Variants in PCDH9 observed in about 807,000 individuals in gnomAD.
PCDH9 encodes the protein protocadherin-9.
Under a neutral mutation model 70.6 loss-of-function variants are expected in PCDH9, and 24 were observed. That is an observed-to-expected ratio of 0.34 (90% CI 0.25 to 0.48). The LOEUF (loss-of-function observed/expected upper bound fraction) is 0.48. Among genes scored for constraint, PCDH9 ranks in the 20% least tolerant of loss-of-function variants. The pLI is 0.99. For synonymous variants in PCDH9, 562 were observed against 558.5 expected, an observed-to-expected ratio of 1.01 and a Z score of -0.09; for missense variants, 1,281 against 1,503.6, an observed-to-expected ratio of 0.85 and a Z score of 2.45.
chr13:66,974,963 C>T (rs1391406391), intron 2 of PCDH9, among the ~76,000 whole-genome samples: 2 of 151,978 alleles, frequency 1.3e-5, no homozygotes, highest in African/African-American at 4.8e-5. Context: ...TTTGATATGA[C>T]ACTAATAAAA....
chr13:66,760,808 A>G (rs1444702397), intron 3 of PCDH9, among the ~76,000 whole-genome samples: 1 of 152,108 alleles, frequency 6.6e-6, no homozygotes, highest in East Asian at 1.9e-4. Flanking sequence ...ATGCATTCCC[A>G]GGGGGAGGTC....
chr13:66,894,123 T>C lies in PCDH9; in HGVS notation c.3138+9381A>G, dbSNP rs527981436. On this transcript the variant is annotated intron_variant, in intron 3 of 4. Coordinates refer to ENST00000377865, the MANE Select transcript of PCDH9 (RefSeq NM_203487.3). ...TCTTTCTCTCTCATGCATAAGATTC[T>C]GTAGACATCAAATGATCTAAGTTTA... Among the ~76,000 whole-genome samples, 9 of 152,312 alleles carry C rather than the reference T, an allele frequency of 5.9e-5. No homozygotes were observed. The East Asian group carries it at 1.7e-3, about 29-fold the overall frequency.
intron 4 of PCDH9, among the ~76,000 whole-genome samples, chr13:66,484,360 C>G (rs1389524878): frequency 6.6e-6 from 1 of 152,056 alleles, no homozygotes; most frequent in Non-Finnish European, 1.5e-5. Context: ...CACGGCCTGC[C>G]CATCTGTATG....
At chr13:66,501,809 G>A (rs1165607618) in intron 4 of PCDH9, among the ~76,000 whole-genome samples, 1 of 152,066 alleles carries the variant, frequency 6.6e-6, no homozygotes, top group Non-Finnish European at 1.5e-5. Flanking sequence ...AATGTAGTAT[G>A]TACATTTTAC....
chr13:67,023,218 C>A (rs565160674), intron 2 of PCDH9, among the ~76,000 whole-genome samples: 9 of 151,530 alleles, frequency 5.9e-5, no homozygotes, highest in Admixed American at 3.3e-4. Flanking sequence ...TTTACAGTTA[C>A]ACTACTTATT....
In PCDH9 at chr13:66,380,995, G is replaced by C. The variant is rs117868299; in HGVS notation, c.3341-75967C>G. On this transcript the variant is annotated intron_variant, in intron 4 of 4. Coordinates refer to ENST00000377865, the MANE Select transcript of PCDH9 (RefSeq NM_203487.3). ...TTTCAGTAAGAGACACACAAAAAAA[G>C]TGTTTCTATCAATGTAAACATGCTT... 5.8e-3 allele frequency among the ~76,000 whole-genome samples: 887 copies of C among 152,290 alleles called. 2 individuals are homozygous for C. The highest frequency in any genetic ancestry group is 8.5e-3 in the South Asian group (41 of 4,826).
rs560281179 is a variant in PCDH9 at position 66,662,632 on chromosome 13, G to A, written c.3139-31221C>T. ...CATAAGGACTAGCTTGGAGCAGACC[G>A]TCATACATGTTTGAAGAGTTATGTG... is the stretch of plus-strand genomic sequence containing the variant. On this transcript the variant is annotated intron_variant, in intron 3 of 4. Coordinates refer to ENST00000377865, the MANE Select transcript of PCDH9 (RefSeq NM_203487.3). 2.2e-4 allele frequency among the ~76,000 whole-genome samples: 34 copies of A among 152,286 alleles called. No homozygotes were observed. In the South Asian group the frequency reaches 6.0e-3, roughly 27 times the overall value.
chr13:66,721,043 A>G (rs528940346), intron 3 of PCDH9, among the ~76,000 whole-genome samples: 1 of 152,220 alleles, frequency 6.6e-6, no homozygotes. Flanking sequence ...ATTTATGAAA[A>G]AGCTTCCAAG....
At chr13:66,642,850 G>T in intron 3 of PCDH9, among the ~76,000 whole-genome samples, 1 of 151,808 alleles carries the variant, frequency 6.6e-6, no homozygotes, top group Admixed American at 6.6e-5. Context: ...TACGAATGAG[G>T]GCAAATTTGA....
At position 66,742,131 on chromosome 13, in the gene PCDH9, G is replaced by T. The variant is rs1209680115; in HGVS notation, c.3139-110720C>A. Among the ~76,000 whole-genome samples, 8 of 52,270 alleles carry T rather than the reference G, an allele frequency of 1.5e-4. No individual in the cohort carries two copies. The East Asian group carries it at 4.7e-3, about 30-fold the overall frequency. 34.3% of individuals were successfully genotyped at this position (52,270 alleles called of 152,430 possible). Reference sequence around the variant, plus strand: ...CAGTAACCAAAACAGCATGGTACTGGTACCAAAACAGAGATATAGATCAAT... The same window carrying T: ...CAGTAACCAAAACAGCATGGTACTGTTACCAAAACAGAGATATAGATCAAT... On this transcript the variant is annotated intron_variant, in intron 3 of 4. Transcript: ENST00000377865.
chr13:66,913,507 T>G (rs919138573), intron 2 of PCDH9, among the ~76,000 whole-genome samples: 1 of 151,916 alleles, frequency 6.6e-6, no homozygotes, highest in Non-Finnish European at 1.5e-5. Context: ...ACCGGCTATG[T>G]AGGGGGTGTT....
At chr13:66,967,466 A>G (rs1481304126) in intron 2 of PCDH9, among the ~76,000 whole-genome samples, 1 of 152,070 alleles carries the variant, frequency 6.6e-6, no homozygotes, top group Non-Finnish European at 1.5e-5. Flanking sequence ...GTTAACATAC[A>G]TATAGAACAT....
chr13:67,106,603 G>A (rs567987723), intron 2 of PCDH9, among the ~76,000 whole-genome samples: 1 of 152,344 alleles, frequency 6.6e-6, no homozygotes, highest in South Asian at 2.1e-4. Context: ...AGCGGAGGAG[G>A]TGAGGCCAGG....
intron 2 of PCDH9, chr13:67,215,494 A>G (rs2089581514): frequency 6.6e-6 from 1 of 152,118 alleles, no homozygotes; most frequent in African/African-American, 2.4e-5. Context: ...TGATCTAAGT[A>G]CTGAAAGGTT....
chr13:67,117,270 G>C (rs1358372293), intron 2 of PCDH9, among the ~76,000 whole-genome samples: 1 of 152,172 alleles, frequency 6.6e-6, no homozygotes, highest in East Asian at 1.9e-4. Context: ...AGCTATTGAA[G>C]GCGAGAGTAG....
chr13:66,829,845 T>C (rs768219998), intron 3 of PCDH9, among the ~76,000 whole-genome samples: 1 of 151,698 alleles, frequency 6.6e-6, no homozygotes, highest in Non-Finnish European at 1.5e-5. Flanking sequence ...TTTTAACTTA[T>C]CAAATCTTTC....
chr13:66,503,993 A>G (rs1959190762), intron 4 of PCDH9, among the ~76,000 whole-genome samples: 1 of 152,208 alleles, frequency 6.6e-6, no homozygotes, highest in Non-Finnish European at 1.5e-5. Context: ...TACGTGTCCA[A>G]CTTCATTTCA....
chr13:67,182,558 A>G (rs553734204), intron 2 of PCDH9, among the ~76,000 whole-genome samples: 1 of 152,332 alleles, frequency 6.6e-6, no homozygotes, highest in South Asian at 2.1e-4. Context: ...AAAAATGAAA[A>G]TCATAGGTCA....
chr13:66,968,781 G>T (rs2083470658), intron 2 of PCDH9, among the ~76,000 whole-genome samples: 1 of 151,920 alleles, frequency 6.6e-6, no homozygotes, highest in South Asian at 2.1e-4. Flanking sequence ...TACCAAATTT[G>T]ATTATTTATT....
Sources: gnomAD v4.1 joint callset for allele counts (sites outside exome capture counted in the v4.1 genomes callset) on GRCh38, gnomAD v4.1.1 for gene constraint, MANE v1.5 for transcripts, NCBI Gene and HGNC (gene_info 2026-07-23, HGNC 2026-07-21) for gene names.